MSI2: variants seen among roughly 807,000 people sequenced by gnomAD.
The protein encoded by MSI2 is RNA-binding protein Musashi homolog 2.
MSI2 carries 17 observed loss-of-function variants against 45.6 expected under a neutral mutation model. The observed-to-expected ratio is 0.37, with a 90% CI of 0.26 to 0.56. MSI2 has a LOEUF of 0.56. Ranked by LOEUF, MSI2 falls within the 20% of genes least tolerant of loss-of-function variation. The pLI, the probability that MSI2 is intolerant of heterozygous loss-of-function variation, is 0.77. For synonymous variants in MSI2, 156 were observed against 158.2 expected, an observed-to-expected ratio of 0.99 and a Z score of 0.11; for missense variants, 293 against 444.2, an observed-to-expected ratio of 0.66 and a Z score of 3.06.
intron 5 of MSI2, among the ~76,000 whole-genome samples, chr17:57,335,350 T>TA (rs1411480918): frequency 2.6e-5 from 4 of 152,228 alleles, no homozygotes; most frequent in Non-Finnish European, 5.9e-5. Flanking sequence ...CACCTGCCTT[T>TA]ACACCAGCCA....
At chr17:57,342,801 A>C (rs1291855846) in intron 5 of MSI2, among the ~76,000 whole-genome samples, 1 of 152,238 alleles carries the variant, frequency 6.6e-6, no homozygotes, top group East Asian at 1.9e-4. Context: ...GGGGAAAATG[A>C]GTTATAATCA....
chr17:57,330,918 T>G (rs12952538), intron 5 of MSI2, among the ~76,000 whole-genome samples: 22,921 of 151,218 alleles, frequency 0.15, 2,203 homozygotes, highest in Non-Finnish European at 0.22. Flanking sequence ...TTCTTTTTTT[T>G]TGTGTGTGTG....
chr17:57,464,169 G>A (rs972265736), intron 6 of MSI2, among the ~76,000 whole-genome samples: 1 of 152,124 alleles, frequency 6.6e-6, no homozygotes, highest in Non-Finnish European at 1.5e-5. Flanking sequence ...GTTGGCCAGG[G>A]CAGTGGCTCA....
chr17:57,352,250 T>C (rs1916085348), intron 5 of MSI2, among the ~76,000 whole-genome samples: 1 of 152,204 alleles, frequency 6.6e-6, no homozygotes, highest in African/African-American at 2.4e-5. Context: ...TTCACCAGTG[T>C]GTAAAGTCTT....
chr17:57,442,007 C>T (rs970213281), intron 6 of MSI2, among the ~76,000 whole-genome samples: 1 of 151,126 alleles, frequency 6.6e-6, no homozygotes, highest in South Asian at 2.1e-4. Context: ...CTGGCCTCCG[C>T]GTGGGTTCAT....
intron 5 of MSI2, among the ~76,000 whole-genome samples, chr17:57,374,190 AG>A: frequency 6.6e-6 from 1 of 152,366 alleles, no homozygotes; most frequent in South Asian, 2.1e-4. Context: ...TAGCGTCAAT[AG>A]GGTGGCAGCA....
rs756420423 is a variant in MSI2, at chr17:57,652,108, C to T, written c.737C>T (p.Ala246Val). The T allele has an allele frequency of 6.2e-7, 1 of 1,614,118 alleles. No individual in the cohort carries two copies. The highest frequency in any genetic ancestry group is 8.5e-7 in the Non-Finnish European group (1 of 1,180,002). Residue 246 changes from alanine (A) to valine (V), a missense_variant, in exon 11 of 14, where the codon GCA (alanine) becomes GTA (valine). By Grantham distance (64) the Ala-to-Val change is moderately conservative. Coordinates refer to ENST00000284073, the MANE Select transcript of MSI2 (RefSeq NM_138962.4). The surrounding 1 kb of genome is among the most constrained non-coding windows in gnomAD (Gnocchi z 4.1). Reference protein sequence around the residue: ...SYGYQFPGFPAAAYGPVAAAA... With the variant: ...SYGYQFPGFPVAAYGPVAAAA... ...TCTCTCTCCTGACCAGGCTTCCCAG[C>T]AGCGGCTTATGGACCAGTGGCAGCA...
chr17:57,314,734 G>A (rs892751631), intron 5 of MSI2, among the ~76,000 whole-genome samples: 9 of 151,966 alleles, frequency 5.9e-5, no homozygotes, highest in Admixed American at 5.2e-4. Context: ...ACCACACCCA[G>A]CTAATTTTTG....
intron 9 of MSI2, 50 bp downstream of exon 9, chr17:57,616,134 G>A (rs1286429674): frequency 2.0e-6 from 3 of 1,479,378 alleles, no homozygotes; most frequent in Non-Finnish European, 2.8e-6. Context: ...GGGCTATGGA[G>A]GCCTCTACTC....
rs113441008 is a variant in MSI2, at chr17:57,622,653, CA to C, written c.653-4565del. ...GACATTAAGCCCCCTGAAATGTGAG[CA>C]AAAAAAAAAAGTATCGTTAAGAACA... On this transcript the variant is annotated intron_variant, in intron 9 of 13. Coordinates refer to ENST00000284073, the MANE Select transcript of MSI2 (RefSeq NM_138962.4). 3.2e-4 allele frequency among the ~76,000 whole-genome samples: 46 copies of C among 143,730 alleles called. No individual in the cohort carries two copies. The South Asian group carries it at 4.2e-3, about 13-fold the overall frequency. The allele number at this position is 143,730 out of a possible 152,430, so 94.3% of individuals were successfully genotyped here.
At chr17:57,549,447 C>T (rs2087253860) in intron 7 of MSI2, among the ~76,000 whole-genome samples, 1 of 151,970 alleles carries the variant, frequency 6.6e-6, no homozygotes, top group East Asian at 1.9e-4. Flanking sequence ...GGTAGTTGCT[C>T]ACTACCATGA....
At chr17:57,292,931 G>A (rs1427416091) in intron 5 of MSI2, among the ~76,000 whole-genome samples, 2 of 152,178 alleles carry the variant, frequency 1.3e-5, no homozygotes, top group Non-Finnish European at 2.9e-5. Flanking sequence ...GACTTTTGGA[G>A]TAAGATTTGT....
intron 6 of MSI2, among the ~76,000 whole-genome samples, chr17:57,425,796 A>G (rs146714562): frequency 9.5e-4 from 144 of 152,356 alleles, no homozygotes; most frequent in African/African-American, 3.2e-3. Context: ...GGAGATAATA[A>G]TACGTTTTAC....
At chr17:57,509,450 C>T (rs541707145) in intron 6 of MSI2, among the ~76,000 whole-genome samples, 1 of 152,080 alleles carries the variant, frequency 6.6e-6, no homozygotes, top group Non-Finnish European at 1.5e-5. Flanking sequence ...GACAGAGTTT[C>T]ACTCTTGTCG....
chr17:57,486,794 G>A (rs1367357786), intron 6 of MSI2, among the ~76,000 whole-genome samples: 3 of 152,092 alleles, frequency 2.0e-5, no homozygotes, highest in Non-Finnish European at 4.4e-5. Context: ...GTGTTGTTTC[G>A]GTTATTTTAG....
intron 6 of MSI2, among the ~76,000 whole-genome samples, chr17:57,473,368 C>G (rs1487877565): frequency 6.6e-6 from 1 of 152,146 alleles, no homozygotes; most frequent in Non-Finnish European, 1.5e-5. Context: ...AACTCATTCC[C>G]CAAAGAGAGA....
At chr17:57,696,938 A>G in the MSI2 span, among the ~76,000 whole-genome samples, 10 of 152,174 alleles carry the variant, frequency 6.6e-5, no homozygotes, top group African/African-American at 2.4e-4. Flanking sequence ...CTCATTTGCT[A>G]TACATCAGCA....
intron 6 of MSI2, among the ~76,000 whole-genome samples, chr17:57,487,382 C>T (rs277066): frequency 6.6e-6 from 1 of 152,002 alleles, no homozygotes; most frequent in Admixed American, 6.5e-5. Flanking sequence ...TCTGTCCCCA[C>T]ATCTCCAGTT....
At chr17:57,349,252 C>T (rs1915837437) in intron 5 of MSI2, among the ~76,000 whole-genome samples, 1 of 152,144 alleles carries the variant, frequency 6.6e-6, no homozygotes, top group African/African-American at 2.4e-5. Flanking sequence ...TGCTGCCCGA[C>T]TCCTGACCCA....
Sources: allele counts gnomAD v4.1 joint callset (sites outside exome capture counted in the v4.1 genomes callset), GRCh38; gene constraint gnomAD v4.1.1; non-coding constraint Gnocchi (gnomAD v3.1); transcripts MANE v1.5; gene names NCBI Gene and HGNC (gene_info 2026-07-23, HGNC 2026-07-21).